The following CADM1 variants were observed in gnomAD, a reference collection of about 807,000 sequenced individuals.
The protein encoded by CADM1 is cell adhesion molecule 1.
CADM1 carries 15 observed loss-of-function variants against 53.1 expected under a neutral mutation model. The observed-to-expected ratio is 0.28, with a 90% CI of 0.19 to 0.44. The LOEUF (loss-of-function observed/expected upper bound fraction) is 0.44. Among genes scored for constraint, CADM1 ranks in the 20% least tolerant of loss-of-function variants. CADM1 has a pLI of 1.00. For missense variants in CADM1, 434 were observed against 611.3 expected, an observed-to-expected ratio of 0.71 and a Z score of 3.06; for synonymous variants, 281 against 243.0, an observed-to-expected ratio of 1.16 and a Z score of -1.45.
At chr11:115,328,681 T>C (rs372981085) in intron 1 of CADM1, among the ~76,000 whole-genome samples, 1 of 44,264 alleles carries the variant, frequency 2.3e-5, no homozygotes, top group African/African-American at 1.5e-4. Flanking sequence ...TATATATGTG[T>C]ATATATATGT....
At chr11:115,343,489 T>C (rs1252228617) in intron 1 of CADM1, among the ~76,000 whole-genome samples, 2 of 152,134 alleles carry the variant, frequency 1.3e-5, no homozygotes, top group African/African-American at 4.8e-5. Flanking sequence ...ACAGTCTGGT[T>C]AACTTATACA....
chr11:115,460,768 T>C (rs756311130), intron 1 of CADM1, among the ~76,000 whole-genome samples: 6 of 150,700 alleles, frequency 4.0e-5, no homozygotes, highest in Admixed American at 2.6e-4. Context: ...ATACTGCCTA[T>C]GCACTAGAAA....
At chr11:115,211,876 T>C (rs1940982776) in intron 7 of CADM1, among the ~76,000 whole-genome samples, 1 of 152,160 alleles carries the variant, frequency 6.6e-6, no homozygotes, top group African/African-American at 2.4e-5. Flanking sequence ...TGAAGGTGAT[T>C]TGAAAATATG....
chr11:115,287,588 C>T (rs911317501), intron 1 of CADM1: 2 of 152,204 alleles, frequency 1.3e-5, no homozygotes, highest in African/African-American at 4.8e-5. Flanking sequence ...AGCAACAGAG[C>T]ATCAGTTTTG....
At chr11:115,343,552 G>A (rs1162426461) in intron 1 of CADM1, among the ~76,000 whole-genome samples, 1 of 151,996 alleles carries the variant, frequency 6.6e-6, no homozygotes, top group African/African-American at 2.4e-5. Context: ...AATATTCAGA[G>A]ACTGGTTTAA....
intron 1 of CADM1, among the ~76,000 whole-genome samples, chr11:115,263,578 T>C (rs568601097): frequency 9.2e-5 from 14 of 152,342 alleles, no homozygotes; most frequent in African/African-American, 2.4e-4. Flanking sequence ...CATTTATTTA[T>C]TCAGTAATTT....
chr11:115,494,972 A>C (rs1016498767), intron 1 of CADM1, among the ~76,000 whole-genome samples: 2 of 152,170 alleles, frequency 1.3e-5, no homozygotes, highest in Non-Finnish European at 2.9e-5. Flanking sequence ...AGCAACTAAC[A>C]ATTATGTGAT....
At chr11:115,239,026 G>C (rs1214135711) in intron 2 of CADM1, among the ~76,000 whole-genome samples, 1 of 152,064 alleles carries the variant, frequency 6.6e-6, no homozygotes, top group Admixed American at 6.6e-5. Context: ...GAAAAAGCAG[G>C]TCATGAGTCC....
At chr11:115,499,668 G>C (rs1458037569) in intron 1 of CADM1, among the ~76,000 whole-genome samples, 1 of 152,230 alleles carries the variant, frequency 6.6e-6, no homozygotes, top group Non-Finnish European at 1.5e-5. Flanking sequence ...AGGATCTGTC[G>C]TTAACCTAGC....
At chr11:115,388,638 A>G (rs973697687) in intron 1 of CADM1, among the ~76,000 whole-genome samples, 2 of 152,150 alleles carry the variant, frequency 1.3e-5, no homozygotes, top group African/African-American at 4.8e-5. Context: ...TTACTTCAGT[A>G]TTATTCTGGT....
intron 1 of CADM1, among the ~76,000 whole-genome samples, chr11:115,288,114 G>C (rs568044511): frequency 5.3e-5 from 8 of 152,154 alleles, no homozygotes; most frequent in Non-Finnish European, 1.2e-4. Context: ...GTGAATATCT[G>C]TGAGGAAGTG....
chr11:115,204,618 A>G (rs552588416), intron 8 of CADM1, among the ~76,000 whole-genome samples: 2 of 152,190 alleles, frequency 1.3e-5, no homozygotes, highest in African/African-American at 2.4e-5. Flanking sequence ...GCTCTCTATC[A>G]TCATTTAGAT....
chr11:115,411,804 TG>T (rs1197188753), intron 1 of CADM1, among the ~76,000 whole-genome samples: 1 of 152,156 alleles, frequency 6.6e-6, no homozygotes, highest in African/African-American at 2.4e-5. Flanking sequence ...CCTAAGTCAG[TG>T]GTTTTATTTC....
intron 1 of CADM1, among the ~76,000 whole-genome samples, chr11:115,320,383 AT>A (rs1236427351): frequency 7.1e-4 from 108 of 152,322 alleles, no homozygotes; most frequent in African/African-American, 2.4e-3. Context: ...TTTTAATTAG[AT>A]GAAAATCTAG....
chr11:115,369,436 G>A (rs1946259112), intron 1 of CADM1, among the ~76,000 whole-genome samples: 1 of 152,166 alleles, frequency 6.6e-6, no homozygotes, highest in Non-Finnish European at 1.5e-5. Flanking sequence ...TTTGCCTTAA[G>A]AAGCCTGGCA....
chr11:115,425,311 T>C (rs1947862695), intron 1 of CADM1, among the ~76,000 whole-genome samples: 1 of 152,252 alleles, frequency 6.6e-6, no homozygotes, highest in African/African-American at 2.4e-5. Flanking sequence ...ATTGCCATTT[T>C]ACAGTAGCAG....
intron 1 of CADM1, among the ~76,000 whole-genome samples, chr11:115,302,936 T>C (rs1944269922): frequency 6.6e-6 from 1 of 152,048 alleles, no homozygotes; most frequent in Admixed American, 6.6e-5. Flanking sequence ...CCAGTTGCAA[T>C]TACAAGATGC....
intron 1 of CADM1, among the ~76,000 whole-genome samples, chr11:115,389,284 T>TA (rs887862053): frequency 6.6e-6 from 1 of 152,076 alleles, no homozygotes; most frequent in African/African-American, 2.4e-5. Flanking sequence ...GATTTCCAAA[T>TA]AAAAAATGTA....
At chr11:115,276,438 T>C (rs970040532) in intron 1 of CADM1, among the ~76,000 whole-genome samples, 10 of 152,184 alleles carry the variant, frequency 6.6e-5, no homozygotes, top group African/African-American at 2.4e-4. Context: ...CAAATCTCTT[T>C]GTAGAATACA....
Sources: gnomAD v4.1 joint callset for allele counts (sites outside exome capture counted in the v4.1 genomes callset) on GRCh38, gnomAD v4.1.1 for gene constraint, MANE v1.5 for transcripts, NCBI Gene and HGNC (gene_info 2026-07-23, HGNC 2026-07-21) for gene names.